The following USH2A variants were observed in gnomAD, a reference collection of about 807,000 sequenced individuals.
USH2A encodes the protein usherin.
Under a neutral mutation model 538.9 loss-of-function variants are expected in USH2A, and 443 were observed. That is an observed-to-expected ratio of 0.82 (90% CI 0.76 to 0.89). The LOEUF is 0.89. Ranked by LOEUF, USH2A falls within the 40% of genes least tolerant of loss-of-function variation. USH2A has a pLI of 0.00. For synonymous variants in USH2A, 2,413 were observed against 2,273.5 expected, an observed-to-expected ratio of 1.06 and a Z score of -1.75; for missense variants, 6,633 against 6,324.8, an observed-to-expected ratio of 1.05 and a Z score of -1.65.
At chr1:216,077,475 T>A (rs936247393) in intron 27 of USH2A, among the ~76,000 whole-genome samples, 1 of 151,422 alleles carries the variant, frequency 6.6e-6, no homozygotes, top group Non-Finnish European at 1.5e-5. Context: ...TATTTTTTAC[T>A]AGTTATGCAT....
rs531504195 is a variant in USH2A at position 215,675,583 on chromosome 1, A to C, written c.12328T>G (p.Tyr4110Asp). The C allele has an allele frequency of 1.9e-6, 3 of 1,613,998 alleles. No individual in the cohort carries two copies. The highest frequency in any genetic ancestry group is 2.5e-6 in the Non-Finnish European group (3 of 1,180,016). Residue 4110 changes from tyrosine to aspartate, a missense_variant, in exon 63 of 72, where the codon TAC becomes GAC. Tyr to Asp is a radical substitution (Grantham distance 160). Transcript: ENST00000307340. ...YNIFSDGFLE[Y>D]SGLNRQFLFR... is the part of the protein sequence containing the mutation. ...AGAAACTGACGATTCAAACCAGAGTACTCCAGGAACCCGTCACTGAAGATG... is the reference window on the plus strand; with the variant it reads ...AGAAACTGACGATTCAAACCAGAGTCCTCCAGGAACCCGTCACTGAAGATG...
chr1:216,073,204 C>A lies in USH2A; in HGVS notation c.5669G>T (p.Gly1890Val). The change falls in exon 28 of 72, where the codon GGA (glycine) becomes GTA (valine). Residue 1890 changes from glycine to valine, a missense_variant. Transcript: ENST00000307340. ...AACAGCACTGTCAGTTGATAGGCATCCATCCAGATTGACTCTGACAGCACC... is the reference window on the plus strand; with the variant it reads ...AACAGCACTGTCAGTTGATAGGCATACATCCAGATTGACTCTGACAGCACC... ...SSGAVRVNLD[G>V]CLSTDSAVNC... is the part of the protein sequence containing the mutation. The A allele has an allele frequency of 6.2e-7, 1 of 1,613,858 alleles. No homozygotes were observed. The highest frequency in any genetic ancestry group is 8.5e-7 in the Non-Finnish European group (1 of 1,179,946).
chr1:216,225,535 G>A (rs996688489), intron 14 of USH2A, among the ~76,000 whole-genome samples: 5 of 152,068 alleles, frequency 3.3e-5, no homozygotes, highest in African/African-American at 1.2e-4. Context: ...GTCCCATATG[G>A]CCATGGGAAG....
intron 37 of USH2A, among the ~76,000 whole-genome samples, chr1:215,937,219 T>C (rs1419652314): frequency 6.6e-6 from 1 of 152,156 alleles, no homozygotes; most frequent in Non-Finnish European, 1.5e-5. Context: ...GACATATTCA[T>C]AGCTTAAAGA....
chr1:216,182,986 C>T lies in USH2A; in HGVS notation c.4396+7237G>A, dbSNP rs942400715. 3.3e-5 allele frequency among the ~76,000 whole-genome samples: 5 copies of T among 152,020 alleles called. No individual in the cohort carries two copies. In the South Asian group the frequency reaches 1.0e-3, roughly 32 times the overall value. Reference sequence around the variant, plus strand: ...CCAGCCAGTGCTTCTTTTCACATGCCCCTGTAGGACTGAGCATTTAATTAA... The same window carrying T: ...CCAGCCAGTGCTTCTTTTCACATGCTCCTGTAGGACTGAGCATTTAATTAA... On this transcript the variant is annotated intron_variant, in intron 20 of 71. Transcript: ENST00000307340.
At chr1:216,307,617 T>C (rs2037342921) in intron 9 of USH2A, among the ~76,000 whole-genome samples, 1 of 152,152 alleles carries the variant, frequency 6.6e-6, no homozygotes, top group Admixed American at 6.5e-5. Flanking sequence ...TGGCATTCAG[T>C]CGAAATTGTT....
chr1:216,086,946 C>A, intron 23 of USH2A, 126 bp from the exon 24 acceptor site: 1 of 719,500 alleles, frequency 1.4e-6, no homozygotes, highest in Non-Finnish European at 2.5e-6. Context: ...CTCCTCATTG[C>A]CTGTTCATTA....
At chr1:215,724,801 T>C (rs147770826) in intron 61 of USH2A, among the ~76,000 whole-genome samples, 189 of 152,264 alleles carry the variant, frequency 1.2e-3, no homozygotes, top group African/African-American at 4.3e-3. Context: ...ATAGTTAAGT[T>C]TGGTATTCAA....
At chr1:216,009,990 C>T (rs984140931) in intron 32 of USH2A, among the ~76,000 whole-genome samples, 2 of 152,084 alleles carry the variant, frequency 1.3e-5, no homozygotes, top group African/African-American at 2.4e-5. Context: ...GCTTTACAGC[C>T]CTAGACCCTA....
chr1:215,934,565 A>AT (rs781429279), intron 38 of USH2A, 51 bp downstream of exon 38: 1 of 1,578,088 alleles, frequency 6.3e-7, no homozygotes. Flanking sequence ...TGGAAACTTA[A>AT]TTCTAGGGCA....
chr1:215,781,981 G>T (rs1352323417), intron 54 of USH2A, 61 bp downstream of exon 54: 2 of 1,608,378 alleles, frequency 1.2e-6, no homozygotes, highest in Non-Finnish European at 1.7e-6. Context: ...TCACAACCTG[G>T]ATGTTCAGAT....
intron 56 of USH2A, among the ~76,000 whole-genome samples, chr1:215,760,201 G>A (rs1660939913): frequency 6.6e-6 from 1 of 152,076 alleles, no homozygotes; most frequent in African/African-American, 2.4e-5. Context: ...GTATGTACCT[G>A]AATTATACAA....
chr1:215,778,995 T>C (rs947826492), intron 55 of USH2A, among the ~76,000 whole-genome samples: 7 of 152,240 alleles, frequency 4.6e-5, no homozygotes, highest in Admixed American at 3.3e-4. Flanking sequence ...TTAGCTCCTA[T>C]TAATGTGTTC....
chr1:215,768,665 G>C (rs1019549278), intron 55 of USH2A, among the ~76,000 whole-genome samples: 1 of 152,170 alleles, frequency 6.6e-6, no homozygotes, highest in Admixed American at 6.5e-5. Context: ...ATTACAAAAT[G>C]TAAAGCTCAA....
chr1:215,884,163 C>T (rs908928406), intron 41 of USH2A, among the ~76,000 whole-genome samples: 1 of 152,178 alleles, frequency 6.6e-6, no homozygotes, highest in Non-Finnish European at 1.5e-5. Flanking sequence ...TGCAACAAAT[C>T]ACCATGGCAC....
At chr1:215,801,122 A>C (rs556895409) in intron 49 of USH2A, among the ~76,000 whole-genome samples, 2 of 152,294 alleles carry the variant, frequency 1.3e-5, no homozygotes, top group African/African-American at 4.8e-5. Context: ...AAATAGGAAT[A>C]GATGAAAACT....
intron 49 of USH2A, among the ~76,000 whole-genome samples, chr1:215,807,245 A>C (rs557100427): frequency 2.0e-5 from 3 of 152,270 alleles, no homozygotes; most frequent in East Asian, 3.9e-4. Context: ...GCTCTTGTTA[A>C]CTTCTTAGTT....
chr1:216,092,145 A>G (rs192774098), intron 22 of USH2A, among the ~76,000 whole-genome samples: 15 of 152,334 alleles, frequency 9.8e-5, no homozygotes, highest in Admixed American at 9.8e-4. Flanking sequence ...GAGTAGTAGT[A>G]TCCTACCAAC....
At chr1:216,189,645 A>G (rs301749) in intron 20 of USH2A, among the ~76,000 whole-genome samples, 136,642 of 151,890 alleles carry the variant, frequency 0.9, 61,719 homozygotes, top group East Asian at 0.98. Context: ...ATTAACTTAA[A>G]AGCTTCTTCT....
Sources: gnomAD v4.1 joint callset for allele counts (sites outside exome capture counted in the v4.1 genomes callset) on GRCh38, gnomAD v4.1.1 for gene constraint, MANE v1.5 for transcripts, NCBI Gene and HGNC (gene_info 2026-07-23, HGNC 2026-07-21) for gene names.